ALDOB: variants seen among roughly 807,000 people sequenced by gnomAD.
The protein encoded by ALDOB is aldolase, fructose-bisphosphate B, also known as fructose-bisphosphate aldolase B.
ALDOB carries 39 observed loss-of-function variants against 41.0 expected under a neutral mutation model. That is an observed-to-expected ratio of 0.95 (90% confidence interval 0.74 to 1.24). ALDOB has a LOEUF of 1.24. Among genes scored for constraint, ALDOB ranks in the 50% most tolerant of loss-of-function variants. The pLI is 0.00. For synonymous variants in ALDOB, 175 were observed against 168.8 expected (o/e 1.04, Z -0.28); for missense variants, 530 against 457.3 (o/e 1.16, Z -1.45).
At chr9:101,425,313 G>T in intron 7 of ALDOB, 140 bp downstream of exon 7, 1 of 1,040,044 alleles carries the variant, frequency 9.6e-7, no homozygotes, top group African/African-American at 1.6e-5. Context: ...TTCTGAAGTG[G>T]GAGAAGAAGT....
intron 1 of ALDOB, among the ~76,000 whole-genome samples, chr9:101,431,806 G>A (rs1057303716): frequency 8.5e-5 from 13 of 152,100 alleles, no homozygotes; most frequent in Non-Finnish European, 1.8e-4. Context: ...AGATTATCTT[G>A]GGTAGCTTCC....
At position 101,426,456 on chromosome 9, in the gene ALDOB, G is replaced by A. The variant is rs747094651; in HGVS notation, c.624+99C>T. 1.2e-5 allele frequency: 10 copies of A among 805,008 alleles called. No individual in the cohort carries two copies. In the African/African-American group the frequency reaches 1.3e-4, roughly 11 times the overall value. 49.9% of individuals were successfully genotyped at this position (805,008 alleles called of 1,614,324 possible). ...CTTCTCTATGCTATCCATCCTAAAG[G>A]CTACTTCAGATATAACAGCTGTTAT... On this transcript the variant is annotated intron_variant, in intron 6 of 8. Transcript: ENST00000647789.
At chr9:101,425,735 T>C in intron 6 of ALDOB, 108 bp from the exon 7 acceptor site, 1 of 1,265,980 alleles carries the variant, frequency 7.9e-7, no homozygotes, top group Non-Finnish European at 1.1e-6. Context: ...TTCTTATTTG[T>C]TGCTTGGCAA....
intron 6 of ALDOB, among the ~76,000 whole-genome samples, chr9:101,425,854 T>C (rs1831120972): frequency 6.6e-6 from 1 of 152,220 alleles, no homozygotes; most frequent in Non-Finnish European, 1.5e-5. Flanking sequence ...TAGCTTCTCA[T>C]TCACTGCATG....
chr9:101,425,179 T>A, intron 7 of ALDOB, 137 bp from the exon 8 acceptor site: 1 of 1,077,050 alleles, frequency 9.3e-7, no homozygotes, highest in Non-Finnish European at 1.4e-6. Flanking sequence ...AACTGAGAAA[T>A]CAGTTTGCTT....
Position 101,430,858 on chromosome 9 carries a change from C to G in ALDOB, c.30G>C (p.Gln10His), listed in dbSNP as rs376852683. The change falls in exon 2 of 9, where the codon CAG becomes CAC. Residue 10 changes from glutamine to histidine, a missense_variant. Gln to His is a conservative substitution (Grantham distance 24). Transcript: ENST00000647789. ...TTTCTGAGAGCTCCTTCTTCTGCTC[C>G]TGGGTGAGGGCTGGAAATCGGTGGG... is the stretch of plus-strand genomic sequence containing the variant. MAHRFPALTQEQKKELSEIA... is the reference protein window; with the variant it reads MAHRFPALTHEQKKELSEIA... 6.2e-7 allele frequency: 1 copy of G among 1,614,018 alleles called. No individual in the cohort carries two copies. The highest frequency in any genetic ancestry group is 2.2e-5 in the East Asian group (1 of 44,892).
rs1564077875 is a variant in ALDOB, at chr9:101,426,630, C to A, written c.549G>T (p.Leu183=). 2.5e-6 allele frequency: 4 copies of A among 1,606,736 alleles called. No homozygotes were observed. Among genetic ancestry groups the A allele is most frequent in the Non-Finnish European group, 2.6e-6 (3 of 1,173,262 alleles). ...RYASICQQNG[L]VPIVEPEVIP... ...TTACCTCTGGTTCAACAATAGGTAC[C>A]AGTCCATTCTAAAAAGGAAAATCAA... Residue 183 remains leucine, a synonymous_variant, in exon 6 of 9, where the codon CTG becomes CTT. Coordinates refer to ENST00000647789, the MANE Select transcript of ALDOB (RefSeq NM_000035.4).
rs191920560 is a variant in ALDOB, at chr9:101,427,203, A to G, written c.540+279T>C. 2.4e-3 allele frequency among the ~76,000 whole-genome samples: 366 copies of G among 152,308 alleles called. 5 individuals carry two copies. The highest frequency in any genetic ancestry group is 8.4e-3 in the African/African-American group (351 of 41,548). ...TAGACAACCAAGTTCCCTGCCCTCA[A>G]AAGCCCGATCACTTATAAGACAGCT... On this transcript the variant is annotated intron_variant, in intron 5 of 8. Transcript: ENST00000647789.
rs751942534 is a variant in ALDOB at position 101,424,977 on chromosome 9, G to T, written c.865C>A (p.Leu289Ile). The change falls in exon 8 of 9, where the codon CTT becomes ATT. Residue 289 changes from leucine (L) to isoleucine (I), a missense_variant. Leu to Ile is a conservative substitution (Grantham distance 5). Coordinates refer to ENST00000647789, the MANE Select transcript of ALDOB (RefSeq NM_000035.4). Reference protein sequence around the residue: ...DATLNLNAINLCPLPKPWKLS... With the variant: ...DATLNLNAINICPLPKPWKLS... ...TTCCAGGGCTTTGGTAGAGGGCAAA[G>T]GTTGATAGCATTGAGGTTGAGAGTG... 6.2e-6 allele frequency: 10 copies of T among 1,614,210 alleles called. No homozygotes were observed. The highest frequency in any genetic ancestry group is 7.6e-6 in the Non-Finnish European group (9 of 1,180,030).
At chr9:101,421,976 A>C (rs982158694) in intron 8 of ALDOB, 72 bp from the exon 9 acceptor site, 8 of 1,274,122 alleles carry the variant, frequency 6.3e-6, no homozygotes, top group Non-Finnish European at 9.1e-6. Flanking sequence ...TCTGCCTCTC[A>C]TGGGAAACCA....
At position 101,421,650 on chromosome 9, in the gene ALDOB, A is replaced by G. The variant is rs111401889; in HGVS notation, c.*159T>C. The G allele has an allele frequency of 1.4e-6, 1 of 722,722 alleles. No individual in the cohort carries two copies. The highest frequency in any genetic ancestry group is 1.5e-5 in the South Asian group (1 of 66,678). 44.8% of individuals were successfully genotyped at this position (722,722 alleles called of 1,614,324 possible). ...TGGTATTCATTTTTATGTTTCAATA[A>G]CTGATTTATTTTTTCCCCCTTGTAC... is the stretch of plus-strand genomic sequence containing the variant. On this transcript the variant is annotated 3_prime_UTR_variant, in exon 9 of 9. Transcript: ENST00000647789.
intron 1 of ALDOB, 53 bp from the exon 2 acceptor site, chr9:101,430,950 A>G (rs1831212098): frequency 8.0e-7 from 1 of 1,253,346 alleles, no homozygotes; most frequent in Non-Finnish European, 1.2e-6. Flanking sequence ...GCTCAGATGG[A>G]TGCATGACCA....
chr9:101,422,128 G>A (rs1564076591), intron 8 of ALDOB, among the ~76,000 whole-genome samples: 1 of 152,138 alleles, frequency 6.6e-6, no homozygotes. Context: ...GTTTGTGTCA[G>A]TTACTGGGGA....
chr9:101,428,536 A>G lies in ALDOB; in HGVS notation c.325-13T>C. On this transcript the variant is annotated splice_polypyrimidine_tract_variant and intron_variant, in intron 3 of 8. Transcript: ENST00000647789. ...CTCCTTGGTCTAACTGTGGATACAA[A>G]TAATTAACAGGTGTCAGATGTCAGG... 6.2e-7 allele frequency: 1 copy of G among 1,609,876 alleles called. No homozygotes were observed. The highest frequency in any genetic ancestry group is 1.1e-5 in the South Asian group (1 of 91,010).
chr9:101,427,901 C>T (rs1370275150), intron 4 of ALDOB, among the ~76,000 whole-genome samples: 2 of 152,172 alleles, frequency 1.3e-5, no homozygotes, highest in Non-Finnish European at 2.9e-5. Context: ...ACTCATTTTA[C>T]AAAGGTGGAA....
chr9:101,434,818 C>T (rs1431259909), intron 1 of ALDOB, among the ~76,000 whole-genome samples: 2 of 152,200 alleles, frequency 1.3e-5, no homozygotes, highest in Non-Finnish European at 2.9e-5. Flanking sequence ...GTATCTCTGG[C>T]TCTAACCTGG....
At chr9:101,427,749 G>T in intron 4 of ALDOB, 107 bp from the exon 5 acceptor site, 1 of 1,385,262 alleles carries the variant, frequency 7.2e-7, no homozygotes, top group Non-Finnish European at 1.0e-6. Context: ...TCAATCCACT[G>T]TGCTTGAGGA....
At chr9:101,428,260 T>G (rs1278206481) in intron 4 of ALDOB, among the ~76,000 whole-genome samples, 1 of 152,156 alleles carries the variant, frequency 6.6e-6, no homozygotes, top group African/African-American at 2.4e-5. Flanking sequence ...AAATCCCCAT[T>G]TTGAGATAGG....
chr9:101,422,506 C>G (rs1233484128), intron 8 of ALDOB, among the ~76,000 whole-genome samples: 1 of 152,172 alleles, frequency 6.6e-6, no homozygotes, highest in Non-Finnish European at 1.5e-5. Context: ...ACCAGCATCC[C>G]TTAGGAACAT....
Sources: gnomAD v4.1 joint callset for allele counts (sites outside exome capture counted in the v4.1 genomes callset) on GRCh38, gnomAD v4.1.1 for gene constraint, MANE v1.5 for transcripts, NCBI Gene and HGNC (gene_info 2026-07-23, HGNC 2026-07-21) for gene names.